The following SCAPER variants were observed in gnomAD, a reference collection of about 807,000 sequenced individuals.
SCAPER encodes the protein S phase cyclin A-associated protein in the endoplasmic reticulum.
A neutral mutation model predicts 182.2 loss-of-function variants in SCAPER; 98 were observed. The observed-to-expected ratio is 0.54, with a 90% CI of 0.46 to 0.64. SCAPER has a LOEUF of 0.64. Among genes scored for constraint, SCAPER ranks in the 30% least tolerant of loss-of-function variants. The probability of loss-of-function intolerance (pLI) is 0.00; values close to 1 mark genes in which losing one functional copy is unlikely to be tolerated. For synonymous variants in SCAPER, 605 were observed against 564.6 expected, an observed-to-expected ratio of 1.07 and a Z score of -1.01; for missense variants, 1,432 against 1,690.0, an observed-to-expected ratio of 0.85 and a Z score of 2.68.
At chr15:76,616,582 T>G (rs1410833512) in intron 22 of SCAPER, among the ~76,000 whole-genome samples, 1 of 152,076 alleles carries the variant, frequency 6.6e-6, no homozygotes, top group African/African-American at 2.4e-5. Flanking sequence ...GTATTTAATA[T>G]CATTAAACTG....
At position 76,874,579 on chromosome 15, in the gene SCAPER, T is replaced by C. The variant is rs191043146; in HGVS notation, c.6+9233A>G. ...AAGTAAAAACAAGAGCAGGCAAAAA[T>C]AGTATTAGGAATTAAAAAGAAAGAT... On this transcript the variant is annotated intron_variant, in intron 2 of 31. Coordinates refer to ENST00000563290, the MANE Select transcript of SCAPER (RefSeq NM_020843.4). 7.9e-5 allele frequency among the ~76,000 whole-genome samples: 12 copies of C among 151,118 alleles called. No individual in the cohort carries two copies. The East Asian group carries it at 2.1e-3, about 27-fold the overall frequency.
At chr15:76,516,092 T>A (rs2042394650) in intron 23 of SCAPER, among the ~76,000 whole-genome samples, 1 of 152,014 alleles carries the variant, frequency 6.6e-6, no homozygotes, top group Non-Finnish European at 1.5e-5. Flanking sequence ...AGGGCCTTTG[T>A]CAATCATCCT....
At chr15:76,441,749 C>A (rs925095163) in intron 25 of SCAPER, among the ~76,000 whole-genome samples, 1 of 152,132 alleles carries the variant, frequency 6.6e-6, no homozygotes, top group African/African-American at 2.4e-5. Flanking sequence ...ACCTATCTTC[C>A]CTTTCTTGCT....
intron 2 of SCAPER, among the ~76,000 whole-genome samples, chr15:76,873,278 G>A (rs1360632859): frequency 2.4e-5 from 1 of 41,830 alleles, no homozygotes; most frequent in Admixed American, 2.7e-4. Context: ...AAAGGAAAAG[G>A]AAGGAAGGAA....
chr15:76,435,909 C>T lies in SCAPER; in HGVS notation c.3079-1599G>A, dbSNP rs191047168. On this transcript the variant is annotated intron_variant, in intron 25 of 31. Transcript: ENST00000563290. ...CCAGAAACTTAGAATCTTCTTATGGCTGATTTCCTGTACCTTGGTATAGAT... is the reference window on the plus strand; with the variant it reads ...CCAGAAACTTAGAATCTTCTTATGGTTGATTTCCTGTACCTTGGTATAGAT... Among the ~76,000 whole-genome samples, 4 of 152,260 alleles carry T rather than the reference C, an allele frequency of 2.6e-5. 1 individual carries two copies. The East Asian group carries it at 7.7e-4, about 29-fold the overall frequency.
chr15:76,414,726 G>A (rs769460325), intron 26 of SCAPER, among the ~76,000 whole-genome samples: 3 of 132,188 alleles, frequency 2.3e-5, no homozygotes, highest in Admixed American at 7.6e-5. Context: ...ACAGTCTAAC[G>A]GAGTTTCAAA....
chr15:76,361,472 C>T (rs2041414382), intron 29 of SCAPER, among the ~76,000 whole-genome samples: 1 of 152,220 alleles, frequency 6.6e-6, no homozygotes, highest in Non-Finnish European at 1.5e-5. Flanking sequence ...ACAAGAAAGT[C>T]TTCCAAGCTC....
At chr15:76,405,803 T>C (rs2044785802) in intron 26 of SCAPER, among the ~76,000 whole-genome samples, 1 of 152,192 alleles carries the variant, frequency 6.6e-6, no homozygotes, top group Admixed American at 6.5e-5. Context: ...TTCAGAGATA[T>C]ACACAAAGGA....
intron 27 of SCAPER, among the ~76,000 whole-genome samples, chr15:76,400,996 T>C (rs2044416832): frequency 6.6e-6 from 1 of 151,672 alleles, no homozygotes; most frequent in African/African-American, 2.4e-5. Context: ...AAATATAAAA[T>C]TTTGAGTGGT....
Position 76,574,271 on chromosome 15 carries a change from C to T in SCAPER, c.2725G>A (p.Ala909Thr), listed in dbSNP as rs766038668. The T allele has an allele frequency of 1.9e-6, 3 of 1,611,072 alleles. No individual in the cohort carries two copies. In the African/African-American group the frequency reaches 4.0e-5, roughly 22 times the overall value. Reference sequence around the variant, plus strand: ...TGTACTTGTTTTAGAAGATCTTTGGCTAATCGCTGAAGCCTTTAATACCAA... The same window carrying T: ...TGTACTTGTTTTAGAAGATCTTTGGTTAATCGCTGAAGCCTTTAATACCAA... ...SPYKAKLQRL[A>T]KDLLKQVQVQ... The change falls in exon 23 of 32, where the codon GCC becomes ACC. Residue 909 changes from alanine to threonine, a missense_variant. Ala to Thr is a moderately conservative substitution (Grantham distance 58). Coordinates refer to ENST00000563290, the MANE Select transcript of SCAPER (RefSeq NM_020843.4).
At chr15:76,677,406 A>G (rs920690413) in intron 20 of SCAPER, among the ~76,000 whole-genome samples, 4 of 152,058 alleles carry the variant, frequency 2.6e-5, no homozygotes, top group Admixed American at 2.6e-4. Flanking sequence ...ACACCAAGAT[A>G]AAGTCTGCAA....
intron 24 of SCAPER, among the ~76,000 whole-genome samples, chr15:76,474,814 A>C (rs920174264): frequency 6.6e-6 from 1 of 152,230 alleles, no homozygotes; most frequent in African/African-American, 2.4e-5. Context: ...CCAGGTTAGT[A>C]AAGCACAGTG....
At chr15:76,679,277 T>C (rs2057548385) in intron 20 of SCAPER, among the ~76,000 whole-genome samples, 1 of 152,160 alleles carries the variant, frequency 6.6e-6, no homozygotes, top group African/African-American at 2.4e-5. Flanking sequence ...CCTGGCCTAA[T>C]AGAGATTACA....
intron 26 of SCAPER, among the ~76,000 whole-genome samples, chr15:76,418,457 ACTCT>A (rs1210157183): frequency 5.9e-5 from 9 of 152,148 alleles, no homozygotes; most frequent in Admixed American, 5.9e-4. Flanking sequence ...GTAAACCTGA[ACTCT>A]CTCAGAGTAG....
chr15:76,850,422 T>C (rs930738123), intron 4 of SCAPER, among the ~76,000 whole-genome samples: 6 of 152,246 alleles, frequency 3.9e-5, no homozygotes, highest in South Asian at 4.1e-4. Context: ...AGAGTTTCCC[T>C]GGGAAGAGGC....
intron 25 of SCAPER, among the ~76,000 whole-genome samples, chr15:76,453,346 G>T (rs284902): frequency 6.6e-6 from 1 of 151,994 alleles, no homozygotes; most frequent in Non-Finnish European, 1.5e-5. Context: ...ATAGCAAAAG[G>T]ATCTGGTTCA....
Position 76,482,686 on chromosome 15 carries a change from C to T in SCAPER, c.2955-11351G>A, listed in dbSNP as rs116015884. On this transcript the variant is annotated intron_variant, in intron 24 of 31. Coordinates refer to ENST00000563290, the MANE Select transcript of SCAPER (RefSeq NM_020843.4). ...GTCACACCTTGATAAAAGTCAACTG[C>T]CATCCTATATATTAGCAATGACAAA... Among the ~76,000 whole-genome samples the T allele has an allele frequency of 9.0e-3, 1,367 of 152,150 alleles. 22 individuals carry two copies. Among genetic ancestry groups the T allele is most frequent in the African/African-American group, 0.032 (1,327 of 41,520 alleles).
At chr15:76,881,647 G>A (rs2073546778) in intron 2 of SCAPER, among the ~76,000 whole-genome samples, 1 of 152,108 alleles carries the variant, frequency 6.6e-6, no homozygotes, top group South Asian at 2.1e-4. Context: ...ACAAATACTG[G>A]ATGATTTCAC....
intron 23 of SCAPER, among the ~76,000 whole-genome samples, chr15:76,527,494 T>A (rs1342243516): frequency 6.6e-6 from 1 of 152,210 alleles, no homozygotes; most frequent in African/African-American, 2.4e-5. Context: ...TTGGTTCAAT[T>A]CTTGGTTGTG....
Sources: allele counts gnomAD v4.1 joint callset (sites outside exome capture counted in the v4.1 genomes callset), GRCh38; gene constraint gnomAD v4.1.1; transcripts MANE v1.5; gene names NCBI Gene and HGNC (gene_info 2026-07-23, HGNC 2026-07-21).